RNF150: variants seen among roughly 807,000 people sequenced by gnomAD.
RNF150 encodes the protein ring finger protein 150.
In RNF150, 24 loss-of-function variants were observed where a neutral mutation model predicts 39.3. The observed-to-expected ratio is 0.61, with a 90% CI of 0.44 to 0.86. RNF150 has a LOEUF of 0.86. Among genes scored for constraint, RNF150 ranks in the 40% least tolerant of loss-of-function variants. The pLI is 0.00. For missense variants in RNF150, 502 were observed against 587.8 expected, an observed-to-expected ratio of 0.85 and a Z score of 1.51; for synonymous variants, 255 against 227.3, an observed-to-expected ratio of 1.12 and a Z score of -1.10.
chr4:140,966,103 G>C (rs890162841), intron 2 of RNF150, among the ~76,000 whole-genome samples: 7 of 152,100 alleles, frequency 4.6e-5, no homozygotes, highest in African/African-American at 1.7e-4. Flanking sequence ...GGGAGGCCGA[G>C]GTGGGAAGAT....
chr4:141,019,068 A>G (rs1450866801), intron 1 of RNF150, among the ~76,000 whole-genome samples: 2 of 71,802 alleles, frequency 2.8e-5, no homozygotes, highest in African/African-American at 8.0e-5. Context: ...ATATATATAT[A>G]TATATATATA....
intron 1 of RNF150, among the ~76,000 whole-genome samples, chr4:141,109,985 G>A (rs916935098): frequency 6.6e-6 from 1 of 152,134 alleles, no homozygotes; most frequent in Non-Finnish European, 1.5e-5. Context: ...GGAGTTCAGG[G>A]CTATCAAAGT....
At chr4:141,113,573 G>C (rs375136632) in intron 1 of RNF150, among the ~76,000 whole-genome samples, 2 of 152,096 alleles carry the variant, frequency 1.3e-5, no homozygotes, top group African/African-American at 4.8e-5. Flanking sequence ...AATAGTGGGA[G>C]ACTTCAACAT....
chr4:140,897,899 ACAGATAG>A (rs1730021776), intron 6 of RNF150, among the ~76,000 whole-genome samples: 1 of 152,198 alleles, frequency 6.6e-6, no homozygotes, highest in South Asian at 2.1e-4. Context: ...CCAAAGTTAC[ACAGATAG>A]CAGGTGGCAG....
At chr4:141,064,480 G>C (rs1737373092) in intron 1 of RNF150, among the ~76,000 whole-genome samples, 1 of 152,094 alleles carries the variant, frequency 6.6e-6, no homozygotes, top group African/African-American at 2.4e-5. Flanking sequence ...GTGCATTCCT[G>C]TAGTTCCAGC....
intron 1 of RNF150, among the ~76,000 whole-genome samples, chr4:141,078,221 G>A (rs1054904136): frequency 6.6e-6 from 1 of 152,152 alleles, no homozygotes; most frequent in Non-Finnish European, 1.5e-5. Context: ...CTCAGTGAAT[G>A]GGGTAAATTG....
intron 4 of RNF150, among the ~76,000 whole-genome samples, chr4:140,940,433 A>G (rs1378387695): frequency 6.6e-6 from 1 of 152,140 alleles, no homozygotes; most frequent in African/African-American, 2.4e-5. Flanking sequence ...GTGTCCAAAA[A>G]TAGTTAGGCA....
chr4:141,082,583 T>A (rs899111877), intron 1 of RNF150, among the ~76,000 whole-genome samples: 2 of 136,162 alleles, frequency 1.5e-5, no homozygotes, highest in Non-Finnish European at 1.5e-5. Context: ...TGAAATTATT[T>A]TTTTTATTTT....
intron 4 of RNF150, among the ~76,000 whole-genome samples, chr4:140,947,283 T>G (rs1365259378): frequency 6.6e-6 from 1 of 152,186 alleles, no homozygotes; most frequent in Non-Finnish European, 1.5e-5. Flanking sequence ...TTTTCAGAGT[T>G]TATTATTTTA....
chr4:141,152,729 G>T (rs1198248278), intron 1 of RNF150, among the ~76,000 whole-genome samples: 3 of 152,132 alleles, frequency 2.0e-5, no homozygotes, highest in Non-Finnish European at 4.4e-5. Flanking sequence ...AAAAGCTGGG[G>T]TGTGCAATCT....
At chr4:141,166,675 A>T (rs1727610999) in intron 1 of RNF150, among the ~76,000 whole-genome samples, 1 of 152,240 alleles carries the variant, frequency 6.6e-6, no homozygotes, top group Non-Finnish European at 1.5e-5. Flanking sequence ...TCATATAAAC[A>T]GATCCAATGA....
intron 5 of RNF150, among the ~76,000 whole-genome samples, chr4:140,911,798 T>A (rs1455100220): frequency 1.3e-5 from 2 of 151,976 alleles, no homozygotes; most frequent in Non-Finnish European, 2.9e-5. Context: ...GATATGAGAG[T>A]GGGAGGGAGG....
chr4:141,144,580 G>A (rs980733771), intron 1 of RNF150, among the ~76,000 whole-genome samples: 4 of 142,796 alleles, frequency 2.8e-5, no homozygotes, highest in African/African-American at 1.0e-4. Flanking sequence ...GTTTATTAAT[G>A]TTTTTAGGAG....
At chr4:141,200,571 C>T (rs113046628) in intron 1 of RNF150, among the ~76,000 whole-genome samples, 4,090 of 151,540 alleles carry the variant, frequency 0.027, 71 homozygotes, top group Middle Eastern at 0.082. Flanking sequence ...GATGAGGATT[C>T]CATCCTCATG....
chr4:140,946,743 C>A (rs1398661537), intron 4 of RNF150, among the ~76,000 whole-genome samples: 1 of 152,116 alleles, frequency 6.6e-6, no homozygotes, highest in South Asian at 2.1e-4. Context: ...TGGTCTCAAG[C>A]GATCCTCCTG....
intron 1 of RNF150, among the ~76,000 whole-genome samples, chr4:140,972,630 A>G (rs1253591869): frequency 6.6e-6 from 1 of 152,080 alleles, no homozygotes; most frequent in Admixed American, 6.6e-5. Flanking sequence ...TTGGTCATCT[A>G]GGTGTGAGTA....
chr4:141,097,616 GT>G (rs1738843446), intron 1 of RNF150, among the ~76,000 whole-genome samples: 1 of 151,582 alleles, frequency 6.6e-6, no homozygotes, highest in South Asian at 2.1e-4. Flanking sequence ...ATATTGTGCT[GT>G]TTTTCTTAAT....
intron 2 of RNF150, among the ~76,000 whole-genome samples, chr4:140,950,723 T>G (rs1439671175): frequency 6.6e-6 from 1 of 152,196 alleles, no homozygotes; most frequent in Non-Finnish European, 1.5e-5. Flanking sequence ...TCACTAAGTA[T>G]TTACCACGTG....
At chr4:140,992,255 A>C (rs56380343) in intron 1 of RNF150, among the ~76,000 whole-genome samples, 54,749 of 152,010 alleles carry the variant, frequency 0.36, 11,460 homozygotes, top group Non-Finnish European at 0.46. Context: ...TAATGCACCC[A>C]GCACTTTGGG....
Sources: gnomAD v4.1 joint callset for allele counts (sites outside exome capture counted in the v4.1 genomes callset) on GRCh38, gnomAD v4.1.1 for gene constraint, MANE v1.5 for transcripts, NCBI Gene and HGNC (gene_info 2026-07-23, HGNC 2026-07-21) for gene names.